The following PITPNM2 variants were observed in gnomAD, a reference collection of about 807,000 sequenced individuals.
PITPNM2 encodes the protein phosphatidylinositol transfer protein membrane associated 2.
PITPNM2 carries 35 observed loss-of-function variants against 132.2 expected under a neutral mutation model. The ratio of observed to expected loss-of-function variants is 0.26; its 90% CI spans 0.20 to 0.35. The LOEUF (loss-of-function observed/expected upper bound fraction) is 0.35, where lower values mean the gene tolerates loss of function less well. PITPNM2 is among the 10% of genes least tolerant of loss of function. PITPNM2 has a pLI of 1.00. For synonymous variants in PITPNM2, 738 were observed against 799.2 expected (o/e 0.92, Z 1.29); for missense variants, 1,332 against 1,912.0 (o/e 0.70, Z 5.66).
At chr12:123,053,853 C>A (rs1016640205) in intron 2 of PITPNM2, among the ~76,000 whole-genome samples, 1 of 152,138 alleles carries the variant, frequency 6.6e-6, no homozygotes, top group African/African-American at 2.4e-5. Context: ...CAGGCAGTGA[C>A]ATCTTACAAA....
chr12:123,078,551 T>C lies in PITPNM2; in HGVS notation c.-96+31834A>G, dbSNP rs542857364. Among the ~76,000 whole-genome samples, 86 of 152,286 alleles carry C rather than the reference T, an allele frequency of 5.6e-4. No individual in the cohort carries two copies. Among genetic ancestry groups the C allele is most frequent in the Non-Finnish European group, 9.9e-4 (67 of 68,014 alleles). ...GTGATACCTTGTGTTAGGGGAGGCG[T>C]TGTGGATTTCCACCTGCCCGGCCTC... On this transcript the variant is annotated intron_variant, in intron 2 of 25. Coordinates refer to ENST00000320201, the MANE Select transcript of PITPNM2 (RefSeq NM_020845.3). This position sits in a 1 kb window ranked among gnomAD's most constrained non-coding sequence, Gnocchi z 7.3.
intron 1 of PITPNM2, among the ~76,000 whole-genome samples, chr12:123,124,964 T>A (rs917682005): frequency 4.7e-5 from 7 of 149,690 alleles, no homozygotes; most frequent in Admixed American, 2.7e-4. Flanking sequence ...GTTAAAAAAA[T>A]TTTTTTTATT....
At chr12:123,059,161 A>G (rs1337769695) in intron 2 of PITPNM2, among the ~76,000 whole-genome samples, 1 of 152,218 alleles carries the variant, frequency 6.6e-6, no homozygotes, top group Non-Finnish European at 1.5e-5. Flanking sequence ...TGAAGAGCCC[A>G]TGTGTTTCCA....
chr12:123,092,532 A>T (rs147274953), intron 2 of PITPNM2: 14 of 152,402 alleles, frequency 9.2e-5, no homozygotes, highest in African/African-American at 2.9e-4. Context: ...GTCATCAGTC[A>T]GGCTAATCTA....
chr12:123,120,557 T>C (rs1310649960), intron 1 of PITPNM2, among the ~76,000 whole-genome samples: 1 of 152,160 alleles, frequency 6.6e-6, no homozygotes, highest in Non-Finnish European at 1.5e-5. Flanking sequence ...TCACTGTCAG[T>C]CACACCCTGG....
intron 2 of PITPNM2, among the ~76,000 whole-genome samples, chr12:123,071,330 T>C (rs948566605): frequency 1.3e-5 from 2 of 152,204 alleles, no homozygotes; most frequent in Non-Finnish European, 2.9e-5. Context: ...CCATGAAATA[T>C]GGAGCTGCTC....
intron 1 of PITPNM2, among the ~76,000 whole-genome samples, chr12:123,131,333 A>C (rs1367288449): frequency 6.6e-6 from 1 of 152,192 alleles, no homozygotes; most frequent in African/African-American, 2.4e-5. Context: ...TGTGTCTTCA[A>C]GTCAAGGAAT....
chr12:123,092,060 G>C (rs765648022), intron 2 of PITPNM2: 1 of 152,318 alleles, frequency 6.6e-6, no homozygotes, highest in Admixed American at 6.5e-5. Flanking sequence ...GGGATCCCTG[G>C]AGTAAGGTGG....
intron 3 of PITPNM2, chr12:123,021,624 C>T: frequency 1.0e-6 from 1 of 966,626 alleles, no homozygotes; most frequent in Middle Eastern, 5.3e-4. Context: ...CAGGTGAAGA[C>T]CATTCCCCTT....
At chr12:123,113,521 G>A (rs545836278) in intron 1 of PITPNM2, among the ~76,000 whole-genome samples, 2 of 152,262 alleles carry the variant, frequency 1.3e-5, no homozygotes, top group Non-Finnish European at 2.9e-5. Context: ...GCAACATAGT[G>A]AGACCCCCCA....
At chr12:123,074,557 C>T (rs1355538605) in intron 2 of PITPNM2, among the ~76,000 whole-genome samples, 1 of 151,962 alleles carries the variant, frequency 6.6e-6, no homozygotes, top group Non-Finnish European at 1.5e-5. Context: ...CACATGAGCA[C>T]ACCACACACG....
chr12:123,048,784 T>C (rs1033889568), intron 2 of PITPNM2, among the ~76,000 whole-genome samples: 2 of 152,128 alleles, frequency 1.3e-5, no homozygotes, highest in African/African-American at 4.8e-5. Flanking sequence ...GGATGGTGGT[T>C]ATGGTTATAT....
intron 1 of PITPNM2, among the ~76,000 whole-genome samples, chr12:123,146,541 C>T (rs2043622153): frequency 6.6e-6 from 1 of 151,706 alleles, no homozygotes; most frequent in South Asian, 2.1e-4. Context: ...TTGCAGTGAG[C>T]CAAGATCACA....
chr12:123,119,780 CT>C (rs2042999509), intron 1 of PITPNM2, among the ~76,000 whole-genome samples: 1 of 147,358 alleles, frequency 6.8e-6, no homozygotes, highest in African/African-American at 2.6e-5. Context: ...AATATTTCTT[CT>C]TTTTCTTTTC....
chr12:123,006,347 T>C (rs181218986), intron 6 of PITPNM2, among the ~76,000 whole-genome samples: 102 of 152,146 alleles, frequency 6.7e-4, no homozygotes, highest in African/African-American at 2.2e-3. Context: ...TAAGAATATA[T>C]TATACATATA....
intron 2 of PITPNM2, among the ~76,000 whole-genome samples, chr12:123,048,657 C>T (rs2040751187): frequency 6.6e-6 from 1 of 152,052 alleles, no homozygotes; most frequent in African/African-American, 2.4e-5. Flanking sequence ...CATGATCCAC[C>T]CGCCTCGGCC....
In PITPNM2 at chr12:123,034,513, C is replaced by T. The variant is rs2040206385; in HGVS notation, c.78G>A (p.Gln26=). 1.2e-6 allele frequency: 2 copies of T among 1,614,080 alleles called. 1 individual carries two copies. The highest frequency in any genetic ancestry group is 2.2e-5 in the South Asian group (2 of 91,080). The change falls in exon 3 of 26, where the codon CAG becomes CAA. Residue 26 remains glutamine (Q), a splice_region_variant and synonymous_variant. Coordinates refer to ENST00000320201, the MANE Select transcript of PITPNM2 (RefSeq NM_020845.3). Reference sequence around the variant, plus strand: ...GACCCACCCTTGCCCCACGACCCACCTGTATCATGTACAGCTGGGCGATGC... The same window carrying T: ...GACCCACCCTTGCCCCACGACCCACTTGTATCATGTACAGCTGGGCGATGC... The part of the protein sequence containing the change: ...EYRIAQLYMI[Q]KKSRNETYGE...
chr12:123,060,815 A>C (rs2041210458), intron 2 of PITPNM2, among the ~76,000 whole-genome samples: 2 of 152,186 alleles, frequency 1.3e-5, no homozygotes, highest in South Asian at 4.1e-4. Flanking sequence ...TAAGGGTGCC[A>C]GGTTGACATA....
chr12:123,121,584 T>C (rs2137441879), intron 1 of PITPNM2, among the ~76,000 whole-genome samples: 1 of 152,310 alleles, frequency 6.6e-6, no homozygotes, highest in South Asian at 2.1e-4. Context: ...TCTCACTCTG[T>C]CATCCAGGCT....
Sources: allele counts gnomAD v4.1 joint callset (sites outside exome capture counted in the v4.1 genomes callset), GRCh38; gene constraint gnomAD v4.1.1; non-coding constraint Gnocchi (gnomAD v3.1); transcripts MANE v1.5; gene names NCBI Gene and HGNC (gene_info 2026-07-23, HGNC 2026-07-21).